GABRB1: variants seen among roughly 807,000 people sequenced by gnomAD.
GABRB1 encodes the protein gamma-aminobutyric acid type A receptor subunit beta1, also known as gamma-aminobutyric acid receptor subunit beta-1.
A neutral mutation model predicts 51.6 loss-of-function variants in GABRB1; 17 were observed. The observed-to-expected ratio is 0.33, with a 90% confidence interval of 0.23 to 0.49. GABRB1 has a LOEUF of 0.49. GABRB1 is among the 20% of genes least tolerant of loss of function. The probability of loss-of-function intolerance (pLI) is 0.99; values close to 1 mark genes in which losing one functional copy is unlikely to be tolerated. For synonymous variants in GABRB1, 247 were observed against 218.9 expected (o/e 1.13, Z -1.14); for missense variants, 410 against 600.6 (o/e 0.68, Z 3.32).
At chr4:47,296,605 A>G (rs547953126) in intron 4 of GABRB1, among the ~76,000 whole-genome samples, 4 of 152,358 alleles carry the variant, frequency 2.6e-5, no homozygotes, top group African/African-American at 9.6e-5. Flanking sequence ...CCAGATTCAT[A>G]AAGCAAGTCC....
At chr4:47,114,540 C>A (rs1464687136) in intron 3 of GABRB1, among the ~76,000 whole-genome samples, 1 of 152,180 alleles carries the variant, frequency 6.6e-6, no homozygotes, top group Non-Finnish European at 1.5e-5. Context: ...CTTTTGCATT[C>A]ATCTTCTTCA....
At chr4:47,267,569 C>T (rs191984864) in intron 4 of GABRB1, among the ~76,000 whole-genome samples, 2 of 151,878 alleles carry the variant, frequency 1.3e-5, no homozygotes, top group African/African-American at 2.4e-5. Flanking sequence ...CCGAGGCAGG[C>T]GGATCACCTG....
At position 47,426,093 on chromosome 4, in the gene GABRB1, A is replaced by G; in HGVS notation, c.*75A>G. On this transcript the variant is annotated 3_prime_UTR_variant, in exon 9 of 9. Transcript: ENST00000295454. ...TTAACCTTACAGGTCCCCAACAGCG[A>G]TACTGCTGTTTCTCGAGGTAAGAGA... 2 of 1,187,818 alleles carry G rather than the reference A, an allele frequency of 1.7e-6. No individual in the cohort carries two copies. The highest frequency in any genetic ancestry group is 2.4e-6 in the Non-Finnish European group (2 of 847,934). 73.6% of individuals were successfully genotyped at this position (1,187,818 alleles called of 1,614,324 possible). A position where few individuals can be genotyped will look rare whatever the true frequency, so the allele number is the denominator to read the frequency against.
chr4:47,278,574 A>G (rs1210179554), intron 4 of GABRB1, among the ~76,000 whole-genome samples: 1 of 151,476 alleles, frequency 6.6e-6, no homozygotes, highest in African/African-American at 2.4e-5. Context: ...CAGCAGAAGT[A>G]AACTGGGAAT....
intron 4 of GABRB1, among the ~76,000 whole-genome samples, chr4:47,209,032 GT>G (rs1455969139): frequency 2.0e-5 from 3 of 152,022 alleles, no homozygotes; most frequent in South Asian, 2.1e-4. Context: ...TACTATCAGT[GT>G]TATAAAGTAT....
chr4:47,038,452 T>G (rs1311574990), intron 3 of GABRB1, among the ~76,000 whole-genome samples: 2 of 152,318 alleles, frequency 1.3e-5, no homozygotes, highest in Non-Finnish European at 2.9e-5. Flanking sequence ...TATGTGGAGC[T>G]GTCCATTGTA....
intron 3 of GABRB1, among the ~76,000 whole-genome samples, chr4:47,084,027 A>C (rs1050941710): frequency 3.3e-5 from 5 of 152,318 alleles, no homozygotes; most frequent in Admixed American, 1.3e-4. Flanking sequence ...GAAAAGAAAT[A>C]TAGCTTGCTT....
chr4:47,124,358 T>G (rs903672836), intron 3 of GABRB1, among the ~76,000 whole-genome samples: 3 of 152,090 alleles, frequency 2.0e-5, no homozygotes, highest in African/African-American at 7.2e-5. Context: ...AGCCCCAGCA[T>G]GAGAAGGTCT....
At chr4:47,245,657 C>T (rs987361828) in intron 4 of GABRB1, among the ~76,000 whole-genome samples, 1 of 151,994 alleles carries the variant, frequency 6.6e-6, no homozygotes, top group Admixed American at 6.6e-5. Context: ...GAAAAGTAAA[C>T]CATAGGGTCT....
At chr4:47,006,117 C>T (rs935380961) in intron 1 of GABRB1, among the ~76,000 whole-genome samples, 2 of 151,736 alleles carry the variant, frequency 1.3e-5, no homozygotes, top group African/African-American at 4.8e-5. Flanking sequence ...GGAATCCCTT[C>T]CATTAGATCA....
chr4:47,190,240 G>A lies in GABRB1; in HGVS notation c.461+28771G>A, dbSNP rs1170539396. Among the ~76,000 whole-genome samples the A allele has an allele frequency of 2.0e-5, 3 of 152,094 alleles. No individual in the cohort carries two copies. In the East Asian group the frequency reaches 5.8e-4, roughly 29 times the overall value. On this transcript the variant is annotated intron_variant, in intron 4 of 8. Coordinates refer to ENST00000295454, the MANE Select transcript of GABRB1 (RefSeq NM_000812.4). ...AGGAAAATGAATTAAGAAAATAATTGTTATGTGTCATAAGATGTGTATCCC... is the reference window on the plus strand; with the variant it reads ...AGGAAAATGAATTAAGAAAATAATTATTATGTGTCATAAGATGTGTATCCC...
intron 4 of GABRB1, among the ~76,000 whole-genome samples, chr4:47,188,033 C>T (rs1167404718): frequency 6.6e-6 from 1 of 151,912 alleles, no homozygotes. Flanking sequence ...TTTTTCAAAT[C>T]ACGTATTTGT....
intron 2 of GABRB1, 120 bp downstream of exon 2, chr4:47,032,125 TGG>T: frequency 1.8e-6 from 1 of 543,788 alleles, no homozygotes; most frequent in Non-Finnish European, 3.1e-6. Context: ...CACTATACCC[TGG>T]GCACACACAC....
intron 5 of GABRB1, among the ~76,000 whole-genome samples, chr4:47,385,714 G>T (rs1475166016): frequency 1.3e-5 from 2 of 152,056 alleles, no homozygotes; most frequent in African/African-American, 2.4e-5. Flanking sequence ...TTAATGCCTC[G>T]GTCCCAGAAG....
chr4:47,032,148 A>G (rs965046844), intron 2 of GABRB1, 143 bp downstream of exon 2: 7 of 682,444 alleles, frequency 1.0e-5, no homozygotes, highest in African/African-American at 1.8e-5. Context: ...ACACACACAC[A>G]CACACACACA....
chr4:47,364,499 A>C (rs1368618479), intron 5 of GABRB1, among the ~76,000 whole-genome samples: 2 of 152,050 alleles, frequency 1.3e-5, no homozygotes, highest in East Asian at 3.8e-4. Context: ...AATAAAGTTG[A>C]GAATAAAAAG....
At chr4:47,007,446 G>C (rs62303737) in intron 1 of GABRB1, among the ~76,000 whole-genome samples, 84,490 of 151,972 alleles carry the variant, frequency 0.56, 23,868 homozygotes, top group Non-Finnish European at 0.6. Flanking sequence ...AGTAACTAAA[G>C]GAACAAACAG....
At chr4:47,114,970 A>G (rs1027363660) in intron 3 of GABRB1, among the ~76,000 whole-genome samples, 2 of 152,162 alleles carry the variant, frequency 1.3e-5, no homozygotes, top group Admixed American at 1.3e-4. Context: ...GAACTTCTCA[A>G]TTCCTTGACT....
chr4:47,128,802 A>G (rs1716280382), intron 3 of GABRB1, among the ~76,000 whole-genome samples: 1 of 151,870 alleles, frequency 6.6e-6, no homozygotes, highest in African/African-American at 2.4e-5. Flanking sequence ...AACTTTCTTT[A>G]CCTTCGGATT....
Sources: allele counts gnomAD v4.1 joint callset (sites outside exome capture counted in the v4.1 genomes callset), GRCh38; gene constraint gnomAD v4.1.1; transcripts MANE v1.5; gene names NCBI Gene and HGNC (gene_info 2026-07-23, HGNC 2026-07-21).